HRH1: variants seen among roughly 807,000 people sequenced by gnomAD.
HRH1 encodes the protein histamine H1 receptor.
Under a neutral mutation model 10.3 loss-of-function variants are expected in HRH1, and 6 were observed. The ratio of observed to expected loss-of-function variants is 0.58; its 90% CI spans 0.32 to 1.15. HRH1 has a LOEUF of 1.15. Among genes scored for constraint, HRH1 ranks in the 50% most tolerant of loss-of-function variants. The probability of loss-of-function intolerance (pLI) is 0.05; values close to 1 mark genes in which losing one functional copy is unlikely to be tolerated. For missense variants in HRH1, 514 were observed against 615.3 expected, an observed-to-expected ratio of 0.84 and a Z score of 1.74; for synonymous variants, 242 against 236.7, an observed-to-expected ratio of 1.02 and a Z score of -0.21.
upstream of HRH1, among the ~76,000 whole-genome samples, chr3:11,151,361 C>T (rs1161619399): frequency 6.6e-6 from 1 of 152,172 alleles, no homozygotes; most frequent in African/African-American, 2.4e-5. Context: ...ATGACAATTA[C>T]CTTTGAGCCT....
intron 1 of HRH1, among the ~76,000 whole-genome samples, chr3:11,175,111 C>T (rs1937225682): frequency 6.6e-6 from 1 of 152,252 alleles, no homozygotes; most frequent in East Asian, 1.9e-4. Context: ...GATACTAAGG[C>T]TTGGTCAGGT....
At chr3:11,151,293 T>G (rs368900308), upstream of HRH1, among the ~76,000 whole-genome samples, 1 of 152,178 alleles carries the variant, frequency 6.6e-6, no homozygotes, top group Non-Finnish European at 1.5e-5. Flanking sequence ...GTGGCACATA[T>G]GTATAAAATA....
chr3:11,208,536 T>C (rs1338629582), intron 1 of HRH1, among the ~76,000 whole-genome samples: 3 of 152,208 alleles, frequency 2.0e-5, no homozygotes, highest in African/African-American at 7.2e-5. Context: ...TGAAAAAATA[T>C]CACTTGAAAT....
chr3:11,163,712 T>C (rs1415465051), intron 1 of HRH1, among the ~76,000 whole-genome samples: 5 of 152,204 alleles, frequency 3.3e-5, no homozygotes, highest in Admixed American at 3.3e-4. Flanking sequence ...TATAAGTACA[T>C]GTGAACACAT....
intron 1 of HRH1, among the ~76,000 whole-genome samples, chr3:11,252,156 A>G (rs1939669280): frequency 6.6e-6 from 1 of 152,166 alleles, no homozygotes; most frequent in Non-Finnish European, 1.5e-5. Flanking sequence ...TTTTTGTATG[A>G]GAGTTCTGTT....
At chr3:11,169,388 A>G (rs904008008) in intron 1 of HRH1, among the ~76,000 whole-genome samples, 2 of 152,134 alleles carry the variant, frequency 1.3e-5, no homozygotes, top group Non-Finnish European at 2.9e-5. Flanking sequence ...AGCTGCTGTC[A>G]TGGAAACGAA....
chr3:11,198,119 G>A (rs1430825454), intron 1 of HRH1, among the ~76,000 whole-genome samples: 1 of 152,156 alleles, frequency 6.6e-6, no homozygotes, highest in Non-Finnish European at 1.5e-5. Flanking sequence ...GGTAGTGGAA[G>A]CTTCAGGCTC....
In HRH1 at chr3:11,260,870, G is replaced by A. The variant is rs906488844; in HGVS notation, c.*369G>A. 13 of 205,556 alleles carry A rather than the reference G, an allele frequency of 6.3e-5. No homozygotes were observed. The highest frequency in any genetic ancestry group is 1.6e-4 in the Admixed American group (3 of 18,950). The allele number at this position is 205,556 out of a possible 1,614,324, so 12.7% of individuals were successfully genotyped here. A position where few individuals can be genotyped will look rare whatever the true frequency, so the allele number is the denominator to read the frequency against. ...AGACTCATTGTAATTCAAGCTTTCC[G>A]AGTCAAGTGATTGACAACTGAAGAG... On this transcript the variant is annotated 3_prime_UTR_variant, in exon 2 of 2. Coordinates refer to ENST00000431010, the MANE Select transcript of HRH1 (RefSeq NM_001098212.2).
intron 1 of HRH1, among the ~76,000 whole-genome samples, chr3:11,229,643 T>G (rs1938989781): frequency 6.6e-6 from 1 of 152,034 alleles, no homozygotes; most frequent in Non-Finnish European, 1.5e-5. Flanking sequence ...ATAAGATGGG[T>G]TTTTAACCCA....
intron 1 of HRH1, among the ~76,000 whole-genome samples, chr3:11,178,811 G>T (rs181883611): frequency 6.6e-6 from 1 of 151,962 alleles, no homozygotes; most frequent in African/African-American, 2.4e-5. Flanking sequence ...CTGGGGTGGC[G>T]TCTGGGAAAC....
chr3:11,173,507 A>G (rs1175686402), intron 1 of HRH1, among the ~76,000 whole-genome samples: 1 of 151,878 alleles, frequency 6.6e-6, no homozygotes, highest in South Asian at 2.1e-4. Flanking sequence ...GGTTCATGCC[A>G]TTCTCTTGCC....
intron 1 of HRH1, among the ~76,000 whole-genome samples, chr3:11,158,242 G>A (rs1257548167): frequency 6.6e-6 from 1 of 152,184 alleles, no homozygotes; most frequent in African/African-American, 2.4e-5. Context: ...CTTAGTCTGG[G>A]ACATTTAACT....
chr3:11,215,500 G>T (rs942733148), intron 1 of HRH1, among the ~76,000 whole-genome samples: 7 of 152,286 alleles, frequency 4.6e-5, no homozygotes, highest in African/African-American at 1.7e-4. Flanking sequence ...GAGTGCAGTG[G>T]CACGATCTCA....
At chr3:11,184,744 C>T (rs1209662931) in intron 1 of HRH1, among the ~76,000 whole-genome samples, 1 of 151,874 alleles carries the variant, frequency 6.6e-6, no homozygotes, top group Admixed American at 6.6e-5. Context: ...GGTGAAACCC[C>T]GTCTCTACTA....
chr3:11,159,084 C>T (rs1458478381), intron 1 of HRH1, among the ~76,000 whole-genome samples: 3 of 152,290 alleles, frequency 2.0e-5, no homozygotes, highest in South Asian at 4.1e-4. Context: ...CTCATCTCCA[C>T]TAAAACTACA....
At chr3:11,182,099 T>G (rs528428699) in intron 1 of HRH1, among the ~76,000 whole-genome samples, 1 of 151,954 alleles carries the variant, frequency 6.6e-6, no homozygotes, top group Non-Finnish European at 1.5e-5. Flanking sequence ...TCTCCTGCCT[T>G]AGCCTCCCTA....
upstream of HRH1, among the ~76,000 whole-genome samples, chr3:11,150,590 C>T (rs530243195): frequency 1.9e-4 from 29 of 152,382 alleles, no homozygotes; most frequent in African/African-American, 6.2e-4. Flanking sequence ...ATTTTCCCAT[C>T]TCCTCTGTGC....
At chr3:11,153,233 G>T (rs954749461), upstream of HRH1, among the ~76,000 whole-genome samples, 5 of 152,148 alleles carry the variant, frequency 3.3e-5, no homozygotes, top group Admixed American at 3.3e-4. Flanking sequence ...GATAATAATA[G>T]TTCCTACCTA....
chr3:11,202,194 A>C (rs1333738719), intron 1 of HRH1, among the ~76,000 whole-genome samples: 1 of 152,198 alleles, frequency 6.6e-6, no homozygotes, highest in East Asian at 1.9e-4. Flanking sequence ...ATGTGAGGTC[A>C]GGAGTTCATG....
Sources: allele counts gnomAD v4.1 joint callset (sites outside exome capture counted in the v4.1 genomes callset), GRCh38; gene constraint gnomAD v4.1.1; transcripts MANE v1.5; gene names NCBI Gene and HGNC (gene_info 2026-07-23, HGNC 2026-07-21).